Variants in RRM1 observed in about 807,000 individuals in gnomAD.
The protein encoded by RRM1 is ribonucleotide reductase catalytic subunit M1, also known as ribonucleoside-diphosphate reductase large subunit.
RRM1 carries 19 observed loss-of-function variants against 101.5 expected under a neutral mutation model. That is an observed-to-expected ratio of 0.19 (90% confidence interval 0.13 to 0.27). RRM1 has a LOEUF of 0.27. Among genes scored for constraint, RRM1 ranks in the 10% least tolerant of loss-of-function variants. RRM1 has a pLI of 1.00. For synonymous variants in RRM1, 298 were observed against 323.4 expected, an observed-to-expected ratio of 0.92 and a Z score of 0.84; for missense variants, 500 against 962.9, an observed-to-expected ratio of 0.52 and a Z score of 6.36.
At chr11:4,109,582 A>C in intron 4 of RRM1, 62 bp from the exon 5 acceptor site, 1 of 1,355,478 alleles carries the variant, frequency 7.4e-7, no homozygotes. Context: ...GAGAGATAAG[A>C]GATTTTGTGA....
chr11:4,097,295 A>G (rs1430049709), intron 1 of RRM1, among the ~76,000 whole-genome samples: 2 of 151,392 alleles, frequency 1.3e-5, no homozygotes, highest in East Asian at 3.9e-4. Flanking sequence ...AAAAAAAAAA[A>G]AAAAAACCAC....
At chr11:4,131,094 T>C (rs185257302) in intron 15 of RRM1, among the ~76,000 whole-genome samples, 3 of 152,368 alleles carry the variant, frequency 2.0e-5, no homozygotes, top group Admixed American at 6.5e-5. Context: ...AGAGGTTTAA[T>C]TGACTCACAG....
chr11:4,119,955 G>A, intron 9 of RRM1, 27 bp downstream of exon 9: 3 of 1,359,728 alleles, frequency 2.2e-6, no homozygotes, highest in Non-Finnish European at 3.2e-6. Context: ...GAAAGTACTG[G>A]AAATCAGAAC....
chr11:4,095,872 T>C (rs1434655473), intron 1 of RRM1, among the ~76,000 whole-genome samples: 1 of 152,228 alleles, frequency 6.6e-6, no homozygotes, highest in African/African-American at 2.4e-5. Context: ...CAACATACTT[T>C]TAACAACCGC....
intron 1 of RRM1, among the ~76,000 whole-genome samples, chr11:4,097,943 T>A (rs2094545869): frequency 6.6e-6 from 1 of 152,210 alleles, no homozygotes; most frequent in African/African-American, 2.4e-5. Context: ...AAGAGAATAG[T>A]AGATGAGTTT....
chr11:4,106,878 A>G (rs925179869), intron 3 of RRM1, among the ~76,000 whole-genome samples: 5 of 151,770 alleles, frequency 3.3e-5, no homozygotes, highest in African/African-American at 1.2e-4. Flanking sequence ...TCTTTTTTTC[A>G]TTTTCTCTTT....
In RRM1 at chr11:4,107,533, G is replaced by T; in HGVS notation, c.385G>T (p.Asp129Tyr). The change falls in exon 4 of 19, where the codon GAT (aspartate) becomes TAT (tyrosine). Residue 129 changes from aspartate to tyrosine, a missense_variant and splice_region_variant. Transcript: ENST00000300738. ...STLDIVLANK[D>Y]RLNSAIIYDR... The stretch of plus-strand genomic sequence containing the variant: ...ATTGGATATTGTTCTGGCCAATAAA[G>T]ATGTATGTATAACACTTATCTGGTG... The T allele has an allele frequency of 1.9e-6, 3 of 1,604,110 alleles. No individual in the cohort carries two copies. Among genetic ancestry groups the T allele is most frequent in the Middle Eastern group, 1.7e-4 (1 of 6,024 alleles).
At chr11:4,095,581 G>A (rs1304004779) in intron 1 of RRM1, among the ~76,000 whole-genome samples, 1 of 152,200 alleles carries the variant, frequency 6.6e-6, no homozygotes, top group East Asian at 1.9e-4. Flanking sequence ...GGTGAGGATA[G>A]GAGTGTGGCG....
chr11:4,099,777 A>T (rs2094548643), intron 1 of RRM1, among the ~76,000 whole-genome samples: 1 of 152,174 alleles, frequency 6.6e-6, no homozygotes, highest in South Asian at 2.1e-4. Flanking sequence ...AAGTGGAATG[A>T]CAGAATAGAG....
At chr11:4,126,581 A>G in intron 12 of RRM1, 103 bp from the exon 13 acceptor site, 6 of 1,032,052 alleles carry the variant, frequency 5.8e-6, no homozygotes, top group Non-Finnish European at 8.3e-6. Context: ...ATAAAAATTT[A>G]AAATTTTAAT....
At chr11:4,108,312 G>C (rs2094560928) in intron 4 of RRM1, among the ~76,000 whole-genome samples, 1 of 152,078 alleles carries the variant, frequency 6.6e-6, no homozygotes, top group Non-Finnish European at 1.5e-5. Flanking sequence ...GTAATATAAT[G>C]ATTAGGCCGG....
intron 1 of RRM1, among the ~76,000 whole-genome samples, chr11:4,098,615 G>A (rs1389682137): frequency 6.6e-6 from 1 of 152,076 alleles, no homozygotes; most frequent in Non-Finnish European, 1.5e-5. Flanking sequence ...TACTCTGATA[G>A]GTAAAGTATA....
intron 14 of RRM1, among the ~76,000 whole-genome samples, chr11:4,127,875 C>A (rs1053563006): frequency 8.5e-5 from 13 of 152,156 alleles, no homozygotes; most frequent in African/African-American, 1.7e-4. Context: ...CTCACAGTTT[C>A]CACAGGTCAG....
intron 7 of RRM1, among the ~76,000 whole-genome samples, chr11:4,118,023 C>T (rs143953425): frequency 6.6e-6 from 1 of 152,248 alleles, no homozygotes; most frequent in African/African-American, 2.4e-5. Flanking sequence ...GAAAATAGCA[C>T]GTTTGCAGTC....
rs774398211 is a variant in RRM1 at position 4,121,913 on chromosome 11, C to T, written c.1038+148C>T. On this transcript the variant is annotated intron_variant, in intron 10 of 18. Transcript: ENST00000300738. Reference sequence around the variant, plus strand: ...ACAAGTTAAGAGATGCCGTGCTTGTCTTCTTATATTTCTATTCTCTAAAGT... The same window carrying T: ...ACAAGTTAAGAGATGCCGTGCTTGTTTTCTTATATTTCTATTCTCTAAAGT... 7.6e-6 allele frequency: 6 copies of T among 784,654 alleles called. No individual in the cohort carries two copies. In the East Asian group the frequency reaches 1.1e-4, roughly 14 times the overall value. 48.6% of individuals were successfully genotyped at this position (784,654 alleles called of 1,614,324 possible).
At chr11:4,119,700 A>G (rs1419686456) in intron 8 of RRM1, 145 bp from the exon 9 acceptor site, 1 of 636,886 alleles carries the variant, frequency 1.6e-6, no homozygotes, top group Non-Finnish European at 2.8e-6. Flanking sequence ...CATTTTTCCA[A>G]AGCAGAAGTA....
chr11:4,126,457 T>C (rs952535018), intron 12 of RRM1, among the ~76,000 whole-genome samples: 1 of 152,002 alleles, frequency 6.6e-6, no homozygotes, highest in African/African-American at 2.4e-5. Flanking sequence ...TCTCTCTCTC[T>C]TACCTATTTT....
In RRM1 at chr11:4,132,978, G is replaced by A. The variant is rs1376043223; in HGVS notation, c.1905+557G>A. Among the ~76,000 whole-genome samples, 1 of 152,068 alleles carries A rather than the reference G, an allele frequency of 6.6e-6. No individual in the cohort carries two copies. Among genetic ancestry groups the A allele is most frequent in the East Asian group, 1.9e-4 (1 of 5,190 alleles). On this transcript the variant is annotated intron_variant, in intron 16 of 18. Coordinates refer to ENST00000300738, the MANE Select transcript of RRM1 (RefSeq NM_001033.5). The surrounding 1 kb of genome is among the most constrained non-coding windows in gnomAD (Gnocchi z 4.1). ...TACGTTTCCAATTTTTTTAACCTAA[G>A]TATTTATAGATTTACCCATCTTAGG... is the stretch of plus-strand genomic sequence containing the variant.
chr11:4,133,421 G>A (rs1025251205), intron 16 of RRM1, 142 bp from the exon 17 acceptor site: 19 of 535,758 alleles, frequency 3.5e-5, no homozygotes, highest in African/African-American at 7.8e-5. Flanking sequence ...TTGATGTCTC[G>A]TCTTTATAAA....
Sources: gnomAD v4.1 joint callset for allele counts (sites outside exome capture counted in the v4.1 genomes callset) on GRCh38, gnomAD v4.1.1 for gene constraint, Gnocchi (gnomAD v3.1) non-coding constraint, MANE v1.5 for transcripts, NCBI Gene and HGNC (gene_info 2026-07-23, HGNC 2026-07-21) for gene names.